Variants in COL4A2 observed in about 807,000 individuals in gnomAD.
COL4A2 encodes collagen alpha-2(IV) chain.
Under a neutral mutation model 200.2 loss-of-function variants are expected in COL4A2, and 99 were observed. The observed-to-expected ratio is 0.49, with a 90% CI of 0.42 to 0.58. The LOEUF (loss-of-function observed/expected upper bound fraction) is 0.58, where lower values mean the gene tolerates loss of function less well. Ranked by LOEUF, COL4A2 falls within the 20% of genes least tolerant of loss-of-function variation. The pLI, the probability that COL4A2 is intolerant of heterozygous loss-of-function variation, is 0.00. For synonymous variants in COL4A2, 897 were observed against 900.6 expected (o/e 1.00, Z 0.07); for missense variants, 1,950 against 2,314.1 (o/e 0.84, Z 3.23).
chr13:110,474,720 C>T lies in COL4A2; in HGVS notation c.2425+1570C>T, dbSNP rs866032583. Among the ~76,000 whole-genome samples the T allele has an allele frequency of 1.1e-4, 14 of 132,256 alleles. 2 individuals are homozygous for T. Among genetic ancestry groups the T allele is most frequent in the African/African-American group, 1.9e-4 (7 of 36,004 alleles). 86.8% of individuals were successfully genotyped at this position (132,256 alleles called of 152,430 possible). On this transcript the variant is annotated intron_variant, in intron 29 of 47. Coordinates refer to ENST00000360467, the MANE Select transcript of COL4A2 (RefSeq NM_001846.4). Reference sequence around the variant, plus strand: ...GTGCCTGTGTACACTCACATGATCACACACGCACGTACCCACACACGTGCC... The same window carrying T: ...GTGCCTGTGTACACTCACATGATCATACACGCACGTACCCACACACGTGCC...
intron 4 of COL4A2, among the ~76,000 whole-genome samples, chr13:110,394,713 C>T (rs1368086762): frequency 2.6e-5 from 4 of 152,170 alleles, no homozygotes; most frequent in Non-Finnish European, 4.4e-5. Flanking sequence ...GAGGTGGGCT[C>T]CTCCGCGGGT....
rs78685416 is a variant in COL4A2, at chr13:110,367,350, T to C, written c.180+9798T>C. Reference sequence around the variant, plus strand: ...CTCCATTGTCAGCATCCGTGTTTTCTATTAAATTGTTGTCTTTGTGAGGCA... The same window carrying C: ...CTCCATTGTCAGCATCCGTGTTTTCCATTAAATTGTTGTCTTTGTGAGGCA... On this transcript the variant is annotated intron_variant, in intron 4 of 47. Transcript: ENST00000360467. Among the ~76,000 whole-genome samples, 1,168 of 152,404 alleles carry C rather than the reference T, an allele frequency of 7.7e-3. 6 individuals are homozygous for C. The highest frequency in any genetic ancestry group is 9.8e-3 in the Non-Finnish European group (665 of 68,048).
intron 15 of COL4A2, among the ~76,000 whole-genome samples, 164 bp from the exon 16 acceptor site, chr13:110,439,625 T>G (rs1002686912): frequency 2.0e-5 from 3 of 152,262 alleles, no homozygotes; most frequent in Admixed American, 2.0e-4. Flanking sequence ...TAGTTGGTAT[T>G]GAATTTGGCA....
chr13:110,505,520 G>C (rs1335343085), intron 45 of COL4A2, among the ~76,000 whole-genome samples: 1 of 152,148 alleles, frequency 6.6e-6, no homozygotes, highest in African/African-American at 2.4e-5. Context: ...TAGGAGACAA[G>C]CTAGGGATGG....
intron 4 of COL4A2, among the ~76,000 whole-genome samples, chr13:110,410,285 GGTT>G (rs1297816464): frequency 6.6e-6 from 1 of 152,212 alleles, no homozygotes; most frequent in Non-Finnish European, 1.5e-5. Context: ...AGTTAGCCCA[GGTT>G]GTTCTCTAGG....
rs538675630 is a variant in COL4A2, at chr13:110,506,347, C to T, written c.4403-68C>T. Reference sequence around the variant, plus strand: ...TCAGGCTGTAGGTGCACCAGGCCGTCCACTCTCTCTCTTTCTCGGGCTGCA... The same window carrying T: ...TCAGGCTGTAGGTGCACCAGGCCGTTCACTCTCTCTCTTTCTCGGGCTGCA... On this transcript the variant is annotated intron_variant, in intron 45 of 47. Coordinates refer to ENST00000360467, the MANE Select transcript of COL4A2 (RefSeq NM_001846.4). 286 of 1,491,678 alleles carry T rather than the reference C, an allele frequency of 1.9e-4. 3 individuals are homozygous for T. In the South Asian group the frequency reaches 3.0e-3, roughly 15 times the overall value. 92.4% of individuals were successfully genotyped at this position (1,491,678 alleles called of 1,614,324 possible).
In COL4A2 at chr13:110,391,427, T is replaced by C. The variant is rs542513703; in HGVS notation, c.181-33307T>C. Among the ~76,000 whole-genome samples the C allele has an allele frequency of 2.4e-4, 37 of 152,358 alleles. No individual in the cohort carries two copies. The South Asian group carries it at 7.5e-3, about 31-fold the overall frequency. On this transcript the variant is annotated intron_variant, in intron 4 of 47. Coordinates refer to ENST00000360467, the MANE Select transcript of COL4A2 (RefSeq NM_001846.4). ...GCCGGGGTTCCAGCATCTCTGTTGCTTCCCTGCTGTTGCCAGTGTAAATGT... is the reference window on the plus strand; with the variant it reads ...GCCGGGGTTCCAGCATCTCTGTTGCCTCCCTGCTGTTGCCAGTGTAAATGT...
intron 40 of COL4A2, among the ~76,000 whole-genome samples, chr13:110,496,044 A>G (rs1434535943): frequency 6.6e-6 from 1 of 152,082 alleles, no homozygotes; most frequent in East Asian, 1.9e-4. Context: ...CCTGAGATCC[A>G]TGGGCCCCTC....
Position 110,411,439 on chromosome 13 carries a change from GC to G in COL4A2, c.181-13293del, listed in dbSNP as rs201685285. ...AGAGTATTAGCCTGCAGCTCCAGGG[GC>G]CTCCTCTGCATACCTTTTGACCAGC... is the stretch of plus-strand genomic sequence containing the variant. On this transcript the variant is annotated intron_variant, in intron 4 of 47. Coordinates refer to ENST00000360467, the MANE Select transcript of COL4A2 (RefSeq NM_001846.4). Among the ~76,000 whole-genome samples the G allele has an allele frequency of 1.2e-3, 184 of 152,306 alleles. 2 individuals carry two copies. Among genetic ancestry groups the G allele is most frequent in the Middle Eastern group, 6.8e-3 (2 of 294 alleles).
At chr13:110,369,818 C>T (rs1399394915) in intron 4 of COL4A2, among the ~76,000 whole-genome samples, 1 of 152,196 alleles carries the variant, frequency 6.6e-6, no homozygotes, top group African/African-American at 2.4e-5. Flanking sequence ...CCTTCTCTCC[C>T]ATCATCCACC....
intron 34 of COL4A2, 149 bp downstream of exon 34, chr13:110,485,985 T>C (rs1883108149): frequency 1.6e-6 from 2 of 1,272,304 alleles, no homozygotes; most frequent in Admixed American, 2.8e-5. Flanking sequence ...CACACAGCCC[T>C]GGAAGGAGCT....
chr13:110,364,316 C>T (rs1470106766), intron 4 of COL4A2, among the ~76,000 whole-genome samples: 1 of 152,188 alleles, frequency 6.6e-6, no homozygotes, highest in African/African-American at 2.4e-5. Flanking sequence ...GCTCATCCAG[C>T]GCTGCAGGGG....
chr13:110,408,825 G>GCT (rs1879689941), intron 4 of COL4A2, among the ~76,000 whole-genome samples: 1 of 125,514 alleles, frequency 8.0e-6, no homozygotes, highest in Non-Finnish European at 1.7e-5. Context: ...ACACACACAT[G>GCT]CACACACACA....
chr13:110,479,165 A>G (rs369999189), intron 30 of COL4A2, among the ~76,000 whole-genome samples: 1 of 152,188 alleles, frequency 6.6e-6, no homozygotes, highest in Non-Finnish European at 1.5e-5. Context: ...GTTCTCAACT[A>G]CTGAGAATCA....
intron 4 of COL4A2, among the ~76,000 whole-genome samples, chr13:110,367,363 T>C (rs1877801872): frequency 6.6e-6 from 1 of 152,246 alleles, no homozygotes; most frequent in African/African-American, 2.4e-5. Context: ...TAAATTGTTG[T>C]CTTTGTGAGG....
chr13:110,437,901 T>C lies in COL4A2; in HGVS notation c.826-101T>C, dbSNP rs1880955717. The C allele has an allele frequency of 6.4e-6, 6 of 942,088 alleles. No homozygotes were observed. In the African/African-American group the frequency reaches 6.6e-5, roughly 10 times the overall value. 58.4% of individuals were successfully genotyped at this position (942,088 alleles called of 1,614,324 possible). A position where few individuals can be genotyped will look rare whatever the true frequency, so the allele number is the denominator to read the frequency against. ...TCAATTTATGATGATTGTGTGAGGA[T>C]TGATTCAGTACTTTCAGCTCATGTC... On this transcript the variant is annotated intron_variant, in intron 13 of 47. Coordinates refer to ENST00000360467, the MANE Select transcript of COL4A2 (RefSeq NM_001846.4).
chr13:110,445,752 T>C, intron 16 of COL4A2, 77 bp from the exon 17 acceptor site: 1 of 1,534,334 alleles, frequency 6.5e-7, no homozygotes, highest in Non-Finnish European at 9.0e-7. Context: ...TTTTGTGAGA[T>C]ATAATAATGC....
Position 110,456,512 on chromosome 13 carries a change from A to G in COL4A2, c.1340-831A>G, listed in dbSNP as rs551897920. The G allele has an allele frequency of 1.8e-5, 6 of 327,996 alleles. No individual in the cohort carries two copies. In the East Asian group the frequency reaches 5.1e-4, roughly 28 times the overall value. The allele number at this position is 327,996 out of a possible 1,614,324, so 20.3% of individuals were successfully genotyped here. ...TTCTTTGGACTCAATGTTTCTCAAA[A>G]GGAATAATTGTTATCCCTATAGTTT... is the stretch of plus-strand genomic sequence containing the variant. On this transcript the variant is annotated intron_variant, in intron 20 of 47. Transcript: ENST00000360467.
At chr13:110,415,012 A>G (rs1458636915) in intron 4 of COL4A2, among the ~76,000 whole-genome samples, 1 of 152,200 alleles carries the variant, frequency 6.6e-6, no homozygotes, top group Non-Finnish European at 1.5e-5. Context: ...GCTAAGTGAA[A>G]GGAGCCAGGC....
Sources: gnomAD v4.1 joint callset for allele counts (sites outside exome capture counted in the v4.1 genomes callset) on GRCh38, gnomAD v4.1.1 for gene constraint, MANE v1.5 for transcripts, NCBI Gene and HGNC (gene_info 2026-07-23, HGNC 2026-07-21) for gene names.